The following TESC variants were observed in gnomAD, a reference collection of about 807,000 sequenced individuals.
TESC encodes tescalcin.
Under a neutral mutation model 31.0 loss-of-function variants are expected in TESC, and 19 were observed. The observed-to-expected ratio is 0.61, with a 90% confidence interval of 0.43 to 0.90. TESC has a LOEUF of 0.90. TESC is among the 40% of genes least tolerant of loss of function. The pLI, the probability that TESC is intolerant of heterozygous loss-of-function variation, is 0.00. For missense variants in TESC, 248 were observed against 303.8 expected (o/e 0.82, Z 1.36); for synonymous variants, 109 against 114.8 (o/e 0.95, Z 0.32).
At chr12:117,072,932 C>T (rs1954993033) in intron 2 of TESC, among the ~76,000 whole-genome samples, 3 of 152,294 alleles carry the variant, frequency 2.0e-5, no homozygotes, top group Middle Eastern at 3.4e-3. Context: ...TGTGCATCAC[C>T]AGACCTGGCT....
intron 1 of TESC, among the ~76,000 whole-genome samples, chr12:117,093,120 C>G (rs1955337407): frequency 6.6e-6 from 1 of 152,176 alleles, no homozygotes; most frequent in African/African-American, 2.4e-5. Flanking sequence ...CCATCAGACC[C>G]TTCCTCCCGC....
Position 117,099,089 on chromosome 12 carries a change from AGAG to A in TESC, c.58+133_58+135del, listed in dbSNP as rs1251002103. On this transcript the variant is annotated intron_variant, in intron 1 of 7. Coordinates refer to ENST00000335209, the MANE Select transcript of TESC (RefSeq NM_017899.4). Reference sequence around the variant, plus strand: ...GGTGGCCAGCGGGGACCCATTTGAAAGAGGAGGAGACTGAGGCGCAGAGAGGGC... The same window carrying A: ...GGTGGCCAGCGGGGACCCATTTGAAAGAGGAGACTGAGGCGCAGAGAGGGC... The A allele has an allele frequency of 1.8e-5, 17 of 925,886 alleles. No homozygotes were observed. The Admixed American group carries it at 2.5e-4, about 14-fold the overall frequency. 57.4% of individuals were successfully genotyped at this position (925,886 alleles called of 1,614,324 possible).
intron 2 of TESC, among the ~76,000 whole-genome samples, chr12:117,062,549 G>C (rs987075603): frequency 6.6e-6 from 1 of 152,164 alleles, no homozygotes; most frequent in South Asian, 2.1e-4. Flanking sequence ...TGAGGAAACT[G>C]AGGCAGAGAG....
At chr12:117,093,942 T>TG (rs1282536419) in intron 1 of TESC, among the ~76,000 whole-genome samples, 1 of 151,706 alleles carries the variant, frequency 6.6e-6, no homozygotes, top group Non-Finnish European at 1.5e-5. Flanking sequence ...CAGACACGGA[T>TG]GGGGGGGACA....
chr12:117,062,512 G>A lies in TESC; in HGVS notation c.129-5626C>T, dbSNP rs1162517317. On this transcript the variant is annotated intron_variant, in intron 2 of 7. Coordinates refer to ENST00000335209, the MANE Select transcript of TESC (RefSeq NM_017899.4). ...GCTGGGATTACAGGTGTGAGCCACT[G>A]CACCCGGCCTGTGCCCATTTTAAAG... 2.6e-5 allele frequency among the ~76,000 whole-genome samples: 4 copies of A among 152,166 alleles called. No individual in the cohort carries two copies. The East Asian group carries it at 5.8e-4, about 22-fold the overall frequency.
chr12:117,087,661 G>A (rs914455269), intron 1 of TESC, among the ~76,000 whole-genome samples: 5 of 152,158 alleles, frequency 3.3e-5, no homozygotes, highest in South Asian at 2.1e-4. Context: ...TTTACCATGC[G>A]CCTTATAGCA....
chr12:117,046,919 C>T, intron 4 of TESC, 81 bp from the exon 5 acceptor site: 1 of 1,424,064 alleles, frequency 7.0e-7, no homozygotes, highest in Non-Finnish European at 9.6e-7. Context: ...CTAAACTAAG[C>T]AAAAGACACC....
chr12:117,047,350 C>T (rs1954583716), intron 4 of TESC, among the ~76,000 whole-genome samples: 1 of 152,130 alleles, frequency 6.6e-6, no homozygotes, highest in South Asian at 2.1e-4. Flanking sequence ...CGGGAGGGGG[C>T]CTCTCCATGT....
Position 117,081,373 on chromosome 12 carries a change from C to A in TESC, c.59-6033G>T, listed in dbSNP as rs572233469. On this transcript the variant is annotated intron_variant, in intron 1 of 7. Coordinates refer to ENST00000335209, the MANE Select transcript of TESC (RefSeq NM_017899.4). ...TTAAAATTCATCTCACCATTAATTT[C>A]TTTACTTGTCTTAATGTGGCCACGA... Among the ~76,000 whole-genome samples, 767 of 152,188 alleles carry A rather than the reference C, an allele frequency of 5.0e-3. 5 individuals carry two copies. Among genetic ancestry groups the A allele is most frequent in the Non-Finnish European group, 7.2e-3 (492 of 68,004 alleles).
intron 6 of TESC, among the ~76,000 whole-genome samples, chr12:117,044,757 C>T (rs1592990961): frequency 6.6e-6 from 1 of 152,102 alleles, no homozygotes; most frequent in Non-Finnish European, 1.5e-5. Context: ...ATTAGCCGGG[C>T]GTAGTGGCAC....
intron 1 of TESC, among the ~76,000 whole-genome samples, chr12:117,086,883 T>C (rs916338170): frequency 6.6e-6 from 1 of 152,190 alleles, no homozygotes; most frequent in Non-Finnish European, 1.5e-5. Context: ...CCCTAAGTAA[T>C]CCTGTGATAC....
At chr12:117,072,321 G>A (rs368947177) in intron 2 of TESC, among the ~76,000 whole-genome samples, 12 of 152,218 alleles carry the variant, frequency 7.9e-5, no homozygotes, top group South Asian at 6.2e-4. Context: ...GGGCTCAAGC[G>A]ATCCTCCAGC....
intron 1 of TESC, among the ~76,000 whole-genome samples, chr12:117,088,882 C>A (rs996612385): frequency 2.0e-5 from 3 of 152,210 alleles, no homozygotes; most frequent in African/African-American, 7.2e-5. Context: ...CAGGAACCAG[C>A]AGGGTTAGTG....
chr12:117,095,313 T>A (rs988453617), intron 1 of TESC, among the ~76,000 whole-genome samples: 1 of 152,126 alleles, frequency 6.6e-6, no homozygotes, highest in Non-Finnish European at 1.5e-5. Context: ...GACCTCATGA[T>A]CTACCTGCCT....
chr12:117,091,626 A>G (rs1955310138), intron 1 of TESC, among the ~76,000 whole-genome samples: 1 of 152,164 alleles, frequency 6.6e-6, no homozygotes, highest in Admixed American at 6.5e-5. Flanking sequence ...AACAGACCTG[A>G]GCCACCCAGT....
intron 1 of TESC, among the ~76,000 whole-genome samples, chr12:117,084,667 G>C (rs2135796273): frequency 6.6e-6 from 1 of 152,294 alleles, no homozygotes; most frequent in Non-Finnish European, 1.5e-5. Context: ...GGATGGGAGG[G>C]GCCCAGGAGC....
At chr12:117,086,121 G>A (rs773519965) in intron 1 of TESC, among the ~76,000 whole-genome samples, 3 of 152,204 alleles carry the variant, frequency 2.0e-5, no homozygotes, top group Admixed American at 1.3e-4. Flanking sequence ...ATTAGTGGTC[G>A]CCAGGGGCTG....
intron 1 of TESC, among the ~76,000 whole-genome samples, chr12:117,089,092 G>A (rs950856091): frequency 1.3e-5 from 2 of 152,212 alleles, no homozygotes; most frequent in African/African-American, 4.8e-5. Flanking sequence ...CACTGGCCCA[G>A]AGAATAATAA....
chr12:117,075,442 C>T (rs1466365493), intron 1 of TESC, 102 bp from the exon 2 acceptor site: 1 of 1,226,396 alleles, frequency 8.2e-7, no homozygotes, highest in Non-Finnish European at 1.1e-6. Flanking sequence ...CACTGGCTGC[C>T]ACACCCCTTC....
Sources: gnomAD v4.1 joint callset for allele counts (sites outside exome capture counted in the v4.1 genomes callset) on GRCh38, gnomAD v4.1.1 for gene constraint, MANE v1.5 for transcripts, NCBI Gene and HGNC (gene_info 2026-07-23, HGNC 2026-07-21) for gene names.